Variants in SLC9A8 observed in about 807,000 individuals in gnomAD.
SLC9A8 encodes sodium/hydrogen exchanger 8.
SLC9A8 carries 48 observed loss-of-function variants against 66.6 expected under a neutral mutation model. The observed-to-expected ratio is 0.72, with a 90% CI of 0.57 to 0.92. The LOEUF (loss-of-function observed/expected upper bound fraction) is 0.92, where lower values mean the gene tolerates loss of function less well. Ranked by LOEUF, SLC9A8 falls within the 40% of genes least tolerant of loss-of-function variation. SLC9A8 has a pLI of 0.00. For synonymous variants in SLC9A8, 274 were observed against 282.6 expected (o/e 0.97, Z 0.31); for missense variants, 599 against 747.3 (o/e 0.80, Z 2.31).
At chr20:49,834,356 A>AG (rs2087390224) in intron 3 of SLC9A8, among the ~76,000 whole-genome samples, 1 of 66,614 alleles carries the variant, frequency 1.5e-5, no homozygotes, top group African/African-American at 5.7e-5. Flanking sequence ...TACTGTATAT[A>AG]TATATATACT....
chr20:49,845,298 A>G (rs148876378), intron 5 of SLC9A8, among the ~76,000 whole-genome samples, 179 bp downstream of exon 5: 352 of 152,346 alleles, frequency 2.3e-3, no homozygotes, highest in Middle Eastern at 6.8e-3. Context: ...AGCAGACATG[A>G]TGAATTGGCT....
chr20:49,878,863 C>G (rs1192256401), intron 12 of SLC9A8, among the ~76,000 whole-genome samples: 1 of 152,028 alleles, frequency 6.6e-6, no homozygotes, highest in Non-Finnish European at 1.5e-5. Flanking sequence ...ACTAAAAATA[C>G]AAAATTAGCC....
chr20:49,886,969 G>T lies in SLC9A8; in HGVS notation c.1638+71G>T. 1.3e-6 allele frequency: 2 copies of T among 1,522,106 alleles called. No individual in the cohort carries two copies. The highest frequency in any genetic ancestry group is 1.8e-6 in the Non-Finnish European group (2 of 1,123,834). The allele number at this position is 1,522,106 out of a possible 1,614,324, so 94.3% of individuals were successfully genotyped here. ...CTCCTTCAGGACCTGCGGTGGCCCA[G>T]GGTGGGGTGGAGGAAGAGTGGGGAG... On this transcript the variant is annotated intron_variant, in intron 15 of 15. Transcript: ENST00000361573. This position sits in a 1 kb window ranked among gnomAD's most constrained non-coding sequence, Gnocchi z 4.8.
chr20:49,839,422 G>A, intron 3 of SLC9A8, 119 bp from the exon 4 acceptor site: 1 of 559,910 alleles, frequency 1.8e-6, no homozygotes. Context: ...AAACGAAGCT[G>A]TGCCCCAACC....
intron 3 of SLC9A8, chr20:49,830,383 T>C (rs1253954395): frequency 2.4e-6 from 2 of 845,282 alleles, no homozygotes; most frequent in African/African-American, 1.7e-5. Flanking sequence ...CCTGCTGAAG[T>C]CCTCTCAACC....
At chr20:49,828,073 A>ATTTT (rs58366162) in intron 3 of SLC9A8, among the ~76,000 whole-genome samples, 7 of 81,496 alleles carry the variant, frequency 8.6e-5, no homozygotes, top group South Asian at 3.6e-4. Context: ...CCAAAAAAAA[A>ATTTT]TTTTTTTTTT....
chr20:49,871,833 A>G (rs2089217632), intron 10 of SLC9A8, among the ~76,000 whole-genome samples: 2 of 152,218 alleles, frequency 1.3e-5, no homozygotes, highest in South Asian at 4.1e-4. Flanking sequence ...GACAGGGCTT[A>G]CTTATCCATA....
intron 10 of SLC9A8, among the ~76,000 whole-genome samples, chr20:49,868,687 G>A (rs2089074740): frequency 6.6e-6 from 1 of 152,174 alleles, no homozygotes; most frequent in Non-Finnish European, 1.5e-5. Flanking sequence ...TATTGGCTGT[G>A]TAACCTCAGA....
intron 5 of SLC9A8, among the ~76,000 whole-genome samples, chr20:49,847,436 GT>G (rs1251746069): frequency 7.0e-6 from 1 of 143,364 alleles, no homozygotes; most frequent in Non-Finnish European, 1.5e-5. Flanking sequence ...TTTGAGGAAA[GT>G]AATAGTTTTT....
chr20:49,864,853 C>T lies in SLC9A8; in HGVS notation c.958+9C>T, dbSNP rs768724377. On this transcript the variant is annotated intron_variant, in intron 10 of 15. Transcript: ENST00000361573. Reference sequence around the variant, plus strand: ...AGGAATCTCACTCTCAGGTAAGTGACAGAGAGCCTGAAAGTGCTGTGGTGA... The same window carrying T: ...AGGAATCTCACTCTCAGGTAAGTGATAGAGAGCCTGAAAGTGCTGTGGTGA... 1 of 1,559,360 alleles carries T rather than the reference C, an allele frequency of 6.4e-7. No individual in the cohort carries two copies. The highest frequency in any genetic ancestry group is 2.2e-5 in the East Asian group (1 of 44,660).
In SLC9A8 at chr20:49,886,073, C is replaced by T. The variant is rs1242487121; in HGVS notation, c.1492-679C>T. ...CAGCATCTAAATGCCCTCCCCTCCCCGGCCATCCTCTGCCCTCCCTGCACC... is the reference window on the plus strand; with the variant it reads ...CAGCATCTAAATGCCCTCCCCTCCCTGGCCATCCTCTGCCCTCCCTGCACC... On this transcript the variant is annotated intron_variant, in intron 14 of 15. Transcript: ENST00000361573. This position sits in a 1 kb window ranked among gnomAD's most constrained non-coding sequence, Gnocchi z 4.8. 2.0e-5 allele frequency among the ~76,000 whole-genome samples: 3 copies of T among 152,104 alleles called. No homozygotes were observed. Among genetic ancestry groups the T allele is most frequent in the Non-Finnish European group, 4.4e-5 (3 of 68,004 alleles).
intron 4 of SLC9A8, among the ~76,000 whole-genome samples, chr20:49,841,398 G>A (rs994355281): frequency 4.0e-5 from 6 of 151,774 alleles, no homozygotes; most frequent in Non-Finnish European, 8.8e-5. Flanking sequence ...ATTCCTGCCT[G>A]GAAACCAGAT....
At position 49,864,588 on chromosome 20, in the gene SLC9A8, A is replaced by G. The variant is rs190041297; in HGVS notation, c.853-151A>G. On this transcript the variant is annotated intron_variant, in intron 9 of 15. Transcript: ENST00000361573. ...AGTCTCCCTACAAAGGAAAAAATCC[A>G]TAATGACAAATTTCCATTTGTAACC... 285 of 601,642 alleles carry G rather than the reference A, an allele frequency of 4.7e-4. 2 individuals are homozygous for G. The highest frequency in any genetic ancestry group is 6.6e-4 in the Non-Finnish European group (220 of 333,240). 37.3% of individuals were successfully genotyped at this position (601,642 alleles called of 1,614,324 possible).
intron 3 of SLC9A8, chr20:49,830,426 C>T: frequency 1.2e-6 from 1 of 831,556 alleles, no homozygotes; most frequent in Non-Finnish European, 2.1e-6. Flanking sequence ...TGTTGGATCC[C>T]AAGGCGGCCA....
chr20:49,853,013 T>C (rs2088315176), intron 7 of SLC9A8, among the ~76,000 whole-genome samples: 1 of 152,224 alleles, frequency 6.6e-6, no homozygotes, highest in Non-Finnish European at 1.5e-5. Flanking sequence ...TTATGTAAGA[T>C]GGACGTTGCC....
intron 3 of SLC9A8, among the ~76,000 whole-genome samples, chr20:49,833,367 G>T (rs2087294315): frequency 6.6e-6 from 1 of 152,054 alleles, no homozygotes; most frequent in African/African-American, 2.4e-5. Context: ...TTCAGAATAG[G>T]ATTGTGTGAT....
chr20:49,814,832 A>G (rs929999530), intron 1 of SLC9A8, among the ~76,000 whole-genome samples, 176 bp from the exon 2 acceptor site: 1 of 152,066 alleles, frequency 6.6e-6, no homozygotes, highest in African/African-American at 2.4e-5. Context: ...GGCCACTGGT[A>G]CCCTTGTGCT....
chr20:49,816,309 A>G (rs940507968), intron 2 of SLC9A8, among the ~76,000 whole-genome samples: 24 of 151,916 alleles, frequency 1.6e-4, no homozygotes, highest in Non-Finnish European at 2.4e-4. Flanking sequence ...AATCCCCGCT[A>G]CTCAGGAGGC....
intron 2 of SLC9A8, among the ~76,000 whole-genome samples, chr20:49,822,390 C>T (rs981226430): frequency 1.3e-5 from 2 of 152,288 alleles, no homozygotes; most frequent in African/African-American, 4.8e-5. Context: ...TATAGTGTTC[C>T]AGTTGATAAT....
Sources: gnomAD v4.1 joint callset for allele counts (sites outside exome capture counted in the v4.1 genomes callset) on GRCh38, gnomAD v4.1.1 for gene constraint, Gnocchi (gnomAD v3.1) non-coding constraint, MANE v1.5 for transcripts, NCBI Gene and HGNC (gene_info 2026-07-23, HGNC 2026-07-21) for gene names.